The following EIF1AY variants were observed in gnomAD, a reference collection of about 807,000 sequenced individuals.
The protein encoded by EIF1AY is eukaryotic translation initiation factor 1A, Y-chromosomal.
For synonymous variants in EIF1AY, 16 were observed against 9.9 expected, an observed-to-expected ratio of 1.62 and a Z score of -1.16; for missense variants, 19 against 30.6, an observed-to-expected ratio of 0.62 and a Z score of 0.89.
intron 5 of EIF1AY, 188 bp from the exon 6 acceptor site, chrY:20,589,296 G>T: frequency 8.4e-6 from 1 of 119,757 alleles, no homozygotes; most frequent in Admixed American, 1.4e-4. Flanking sequence ...TGCACCCTCT[G>T]AGACTACAGA....
At chrY:20,590,010 C>T in intron 6 of EIF1AY, among the ~76,000 whole-genome samples, 1 of 32,102 alleles carries the variant, frequency 3.1e-5, no homozygotes, top group African/African-American at 1.2e-4. Flanking sequence ...CTTCAGCTCT[C>T]TTTTTCAGTT....
intron 5 of EIF1AY, 68 bp downstream of exon 5, chrY:20,588,173 A>G: frequency 4.6e-6 from 1 of 215,774 alleles, no homozygotes; most frequent in South Asian, 4.6e-5. Flanking sequence ...AGGTGAAGGT[A>G]TTTCCGTAGA....
At chrY:20,576,725 T>C in intron 1 of EIF1AY, among the ~76,000 whole-genome samples, 1 of 33,598 alleles carries the variant, frequency 3.0e-5, no homozygotes, top group Non-Finnish European at 7.3e-5. Flanking sequence ...GTTTAGATTA[T>C]TCCTTCCTGG....
chrY:20,576,077 C>G, intron 1 of EIF1AY, among the ~76,000 whole-genome samples, 190 bp downstream of exon 1: 1 of 33,139 alleles, frequency 3.0e-5, no homozygotes. Flanking sequence ...TTTGTGGGGC[C>G]TCCTTCGGAA....
chrY:20,589,392 A>T, intron 5 of EIF1AY, 92 bp from the exon 6 acceptor site: 2 of 223,797 alleles, frequency 8.9e-6, no homozygotes, highest in Non-Finnish European at 1.5e-5. Context: ...CTGGTCTCGA[A>T]CTCCTGATCT....
chrY:20,591,045 A>T, intron 6 of EIF1AY, among the ~76,000 whole-genome samples: 4 of 32,955 alleles, frequency 1.2e-4, no homozygotes, highest in Non-Finnish European at 1.5e-4. Context: ...TATTTACAAA[A>T]TTTTTTAGTT....
chrY:20,586,766 A>G (rs2124357433), intron 4 of EIF1AY: 1 of 34,255 alleles, frequency 2.9e-5, no homozygotes, highest in Non-Finnish European at 7.3e-5. Context: ...CATTCCTGCA[A>G]TCACTGCAAG....
At chrY:20,590,669 G>A in intron 6 of EIF1AY, among the ~76,000 whole-genome samples, 4 of 32,208 alleles carry the variant, frequency 1.2e-4, no homozygotes. Context: ...CTAAACTTTG[G>A]AAAGTCTAAG....
At chrY:20,590,705 T>C (rs993561377) in intron 6 of EIF1AY, among the ~76,000 whole-genome samples, 1 of 32,907 alleles carries the variant, frequency 3.0e-5, no homozygotes, top group Non-Finnish European at 7.5e-5. Flanking sequence ...GGTCACACAC[T>C]CCATTGAGAA....
At chrY:20,582,498 A>G in intron 2 of EIF1AY, 92 bp from the exon 3 acceptor site, 1 of 220,807 alleles carries the variant, frequency 4.5e-6, no homozygotes, top group Middle Eastern at 1.2e-3. Flanking sequence ...GGCATGAGCC[A>G]CCATGCCTGG....
intron 6 of EIF1AY, 65 bp downstream of exon 6, chrY:20,589,640 T>C: frequency 6.2e-6 from 2 of 321,375 alleles, no homozygotes; most frequent in East Asian, 2.1e-4. Flanking sequence ...TTTACAGTCC[T>C]TTGGGATAGT....
At chrY:20,579,033 ATTTG>A (rs2089348694) in intron 1 of EIF1AY, among the ~76,000 whole-genome samples, 4 of 34,055 alleles carry the variant, frequency 1.2e-4, no homozygotes, top group African/African-American at 2.3e-4. Context: ...ATCTTGTGAA[ATTTG>A]TTTGTAGAAT....
At chrY:20,583,013 T>G in intron 3 of EIF1AY, among the ~76,000 whole-genome samples, 1 of 33,669 alleles carries the variant, frequency 3.0e-5, no homozygotes, top group East Asian at 7.7e-4. Flanking sequence ...ATGAAAAATC[T>G]GGGAATTACT....
intron 3 of EIF1AY, 37 bp downstream of exon 3, chrY:20,582,730 G>A (rs72625360): frequency 0.021 from 5,880 of 279,410 alleles, no homozygotes; most frequent in Non-Finnish European, 0.029. Flanking sequence ...AAAATTTGCC[G>A]CAAAAAATGT....
At chrY:20,590,468 T>G (rs751269206) in intron 6 of EIF1AY, among the ~76,000 whole-genome samples, 1 of 31,195 alleles carries the variant, frequency 3.2e-5, no homozygotes, top group African/African-American at 1.3e-4. Flanking sequence ...ACCCCATCTC[T>G]GCTAAAAATA....
At chrY:20,576,757 T>C in intron 1 of EIF1AY, among the ~76,000 whole-genome samples, 1 of 33,605 alleles carries the variant, frequency 3.0e-5, no homozygotes, top group African/African-American at 1.2e-4. Flanking sequence ...ATTTGTCTTC[T>C]TTTTACTTGC....
At chrY:20,577,768 CTCCAGCCTAGGCGACTGAGCAAGACTACG>C (rs2089347692) in intron 1 of EIF1AY, among the ~76,000 whole-genome samples, 1 of 24,591 alleles carries the variant, frequency 4.1e-5, no homozygotes, top group Non-Finnish European at 9.2e-5. Flanking sequence ...CGCCACTGCA[CTCCAGCCTAGGCGACTGAGCAAGACTACG>C]TCCAGCCTAG....
Position 20,582,564 on chromosome Y carries a change from C to T in EIF1AY, c.101-26C>T, listed in dbSNP as rs770909614. 88 of 351,254 alleles carry T rather than the reference C, an allele frequency of 2.5e-4. No individual in the cohort carries two copies. The South Asian group carries it at 2.6e-3, about 10-fold the overall frequency. 87.6% of individuals were successfully genotyped at this position (351,254 alleles called of 400,897 possible). A position where few individuals can be genotyped will look rare whatever the true frequency, so the allele number is the denominator to read the frequency against. ...TAACAAATGTGGACCAAGATCTCAA[C>T]CTTTTTTTTTATCTCCTCTCCTCAG... On this transcript the variant is annotated intron_variant, in intron 2 of 6. Transcript: ENST00000361365.
intron 1 of EIF1AY, among the ~76,000 whole-genome samples, chrY:20,576,668 T>C (rs2089347012): frequency 3.0e-5 from 1 of 33,827 alleles, no homozygotes; most frequent in Admixed American, 2.6e-4. Context: ...AAACAAAATA[T>C]TATTTTCCAC....
Sources: gnomAD v4.1 joint callset for allele counts (sites outside exome capture counted in the v4.1 genomes callset) on GRCh38, gnomAD v4.1.1 for gene constraint, MANE v1.5 for transcripts, NCBI Gene and HGNC (gene_info 2026-07-23, HGNC 2026-07-21) for gene names.